The following CAMK1D variants were observed in gnomAD, a reference collection of about 807,000 sequenced individuals.
The protein encoded by CAMK1D is calcium/calmodulin dependent protein kinase ID, also known as calcium/calmodulin-dependent protein kinase type 1D.
Under a neutral mutation model 47.7 loss-of-function variants are expected in CAMK1D, and 9 were observed. That is an observed-to-expected ratio of 0.19 (90% CI 0.11 to 0.33). CAMK1D has a LOEUF of 0.33. Among genes scored for constraint, CAMK1D ranks in the 10% least tolerant of loss-of-function variants. The probability of loss-of-function intolerance (pLI) is 1.00; values close to 1 mark genes in which losing one functional copy is unlikely to be tolerated. For synonymous variants in CAMK1D, 184 were observed against 184.9 expected (o/e 0.99, Z 0.04); for missense variants, 291 against 488.7 (o/e 0.60, Z 3.81).
intron 3 of CAMK1D, among the ~76,000 whole-genome samples, chr10:12,722,446 CAAAAAAAAAA>C (rs55809900): frequency 6.8e-4 from 33 of 48,622 alleles, no homozygotes; most frequent in South Asian, 2.8e-3. Context: ...GACTCCGCCT[CAAAAAAAAAA>C]AAAAAAAAAA....
chr10:12,450,351 A>C (rs1044853245), intron 1 of CAMK1D, among the ~76,000 whole-genome samples: 3 of 152,084 alleles, frequency 2.0e-5, no homozygotes, highest in African/African-American at 7.2e-5. Context: ...GGTGGAACTA[A>C]CTCCATGAGC....
intron 1 of CAMK1D, among the ~76,000 whole-genome samples, chr10:12,359,802 A>G (rs1303982730): frequency 6.6e-6 from 1 of 152,230 alleles, no homozygotes; most frequent in Non-Finnish European, 1.5e-5. Flanking sequence ...ACCTATAGGT[A>G]CTGAATTTAT....
In CAMK1D at chr10:12,540,922, GT is replaced by G. The variant is rs200320640; in HGVS notation, c.93-12286del. On this transcript the variant is annotated intron_variant, in intron 1 of 10. Coordinates refer to ENST00000619168, the MANE Select transcript of CAMK1D (RefSeq NM_153498.4). ...CAGTTAATGAGAACCTGAGTTATAG[GT>G]TTTTTTTTTTTTTTTTAAGAAAAAG... Among the ~76,000 whole-genome samples, 331 of 144,948 alleles carry G rather than the reference GT, an allele frequency of 2.3e-3. 3 individuals carry two copies. Among genetic ancestry groups the G allele is most frequent in the South Asian group, 8.2e-3 (37 of 4,528 alleles).
At chr10:12,805,104 C>G (rs1471215635) in intron 6 of CAMK1D, among the ~76,000 whole-genome samples, 2 of 151,526 alleles carry the variant, frequency 1.3e-5, no homozygotes, top group African/African-American at 4.8e-5. Context: ...ACTAAAAATA[C>G]AAAAATTAGC....
In CAMK1D at chr10:12,656,849, T is replaced by A. The variant is rs548371658; in HGVS notation, c.225-9887T>A. On this transcript the variant is annotated intron_variant, in intron 2 of 10. Coordinates refer to ENST00000619168, the MANE Select transcript of CAMK1D (RefSeq NM_153498.4). ...AATATGTTACATGTGTGTGTGTATA[T>A]ACATTTTTTTTACATAAACACATAT... Among the ~76,000 whole-genome samples the A allele has an allele frequency of 1.0e-3, 152 of 152,008 alleles. 2 individuals are homozygous for A. The highest frequency in any genetic ancestry group is 9.4e-4 in the Non-Finnish European group (64 of 68,024).
At chr10:12,750,603 G>C (rs574603051) in intron 3 of CAMK1D, among the ~76,000 whole-genome samples, 4 of 152,262 alleles carry the variant, frequency 2.6e-5, no homozygotes, top group South Asian at 4.1e-4. Flanking sequence ...CGGGAGGAGA[G>C]ACTATTGGTG....
chr10:12,669,346 G>A (rs1266137410), intron 3 of CAMK1D, among the ~76,000 whole-genome samples: 2 of 152,270 alleles, frequency 1.3e-5, no homozygotes, highest in East Asian at 1.9e-4. Context: ...GGGGGACATC[G>A]TATGAGATTT....
At chr10:12,757,455 C>CA (rs1020627924) in intron 3 of CAMK1D, among the ~76,000 whole-genome samples, 8 of 151,698 alleles carry the variant, frequency 5.3e-5, no homozygotes, top group African/African-American at 9.7e-5. Context: ...CTGTCTGACT[C>CA]AAAAAAAACC....
At chr10:12,825,481 C>T (rs1833167847) in intron 9 of CAMK1D, 92 bp from the exon 10 acceptor site, 2 of 1,262,278 alleles carry the variant, frequency 1.6e-6, no homozygotes, top group Non-Finnish European at 2.2e-6. Flanking sequence ...GTTTGAAATG[C>T]TTAGGCTAAT....
chr10:12,497,509 T>C (rs1834578304), intron 1 of CAMK1D, among the ~76,000 whole-genome samples: 1 of 152,078 alleles, frequency 6.6e-6, no homozygotes, highest in South Asian at 2.1e-4. Context: ...TTGTATTTCT[T>C]TTTATGGTTG....
chr10:12,624,995 TTCCTCCTCCTCC>T (rs57078350), intron 2 of CAMK1D, among the ~76,000 whole-genome samples: 5 of 148,398 alleles, frequency 3.4e-5, no homozygotes, highest in South Asian at 2.2e-4. Flanking sequence ...TTCCTCCTCT[TTCCTCCTCCTCC>T]TCCTCCTCCT....
chr10:12,678,482 G>A (rs577559353), intron 3 of CAMK1D, among the ~76,000 whole-genome samples: 28 of 152,302 alleles, frequency 1.8e-4, no homozygotes, highest in Admixed American at 3.9e-4. Flanking sequence ...GAAGTGCTCT[G>A]CATATATCTG....
chr10:12,782,306 C>T (rs1837535546), intron 5 of CAMK1D, among the ~76,000 whole-genome samples: 1 of 152,172 alleles, frequency 6.6e-6, no homozygotes, highest in African/African-American at 2.4e-5. Context: ...TTTAATATCC[C>T]TGCTGCTGCA....
At chr10:12,826,873 C>T (rs577453915) in intron 10 of CAMK1D, among the ~76,000 whole-genome samples, 9 of 152,354 alleles carry the variant, frequency 5.9e-5, no homozygotes, top group African/African-American at 2.2e-4. Flanking sequence ...ACACTGGCAT[C>T]GGCAGCAAAG....
intron 1 of CAMK1D, among the ~76,000 whole-genome samples, chr10:12,418,312 G>C (rs1232151095): frequency 6.6e-6 from 1 of 152,212 alleles, no homozygotes; most frequent in African/African-American, 2.4e-5. Flanking sequence ...TGACTGATTA[G>C]AGATGGAGAT....
At chr10:12,483,606 C>T (rs1462053393) in intron 1 of CAMK1D, among the ~76,000 whole-genome samples, 2 of 152,078 alleles carry the variant, frequency 1.3e-5, no homozygotes, top group African/African-American at 4.8e-5. Flanking sequence ...TCAAGTGATC[C>T]TCTCGCCTGG....
intron 1 of CAMK1D, among the ~76,000 whole-genome samples, chr10:12,516,610 G>A (rs1426543929): frequency 1.3e-5 from 2 of 152,178 alleles, no homozygotes; most frequent in East Asian, 1.9e-4. Flanking sequence ...CACCAGCAGC[G>A]TATCATGATG....
At chr10:12,453,624 G>A (rs1833156234) in intron 1 of CAMK1D, among the ~76,000 whole-genome samples, 2 of 152,302 alleles carry the variant, frequency 1.3e-5, no homozygotes, top group South Asian at 4.1e-4. Context: ...GAATATTGGT[G>A]TATGACTATG....
intron 2 of CAMK1D, among the ~76,000 whole-genome samples, chr10:12,585,456 T>C (rs113924986): frequency 3.3e-5 from 5 of 152,306 alleles, no homozygotes; most frequent in African/African-American, 1.2e-4. Context: ...CCACTGTATT[T>C]GTCCGTTTTC....
Sources: gnomAD v4.1 joint callset for allele counts (sites outside exome capture counted in the v4.1 genomes callset) on GRCh38, gnomAD v4.1.1 for gene constraint, MANE v1.5 for transcripts, NCBI Gene and HGNC (gene_info 2026-07-23, HGNC 2026-07-21) for gene names.